Variants in MBD5 observed in about 807,000 individuals in gnomAD.
The protein encoded by MBD5 is methyl-CpG-binding domain protein 5.
Under a neutral mutation model 117.3 loss-of-function variants are expected in MBD5, and 13 were observed. The observed-to-expected ratio is 0.11, with a 90% CI of 0.07 to 0.18. MBD5 has a LOEUF of 0.18. Among genes scored for constraint, MBD5 ranks in the 10% least tolerant of loss-of-function variants. MBD5 has a pLI of 1.00. For missense variants in MBD5, 1,879 were observed against 2,093.8 expected (o/e 0.90, Z 2.00); for synonymous variants, 727 against 766.4 (o/e 0.95, Z 0.85).
chr2:148,132,349 TACAC>T (rs1553475582), intron 1 of MBD5, among the ~76,000 whole-genome samples: 7 of 53,306 alleles, frequency 1.3e-4, no homozygotes, highest in Non-Finnish European at 2.1e-4. Flanking sequence ...TATATATATA[TACAC>T]ATATATATAT....
chr2:148,344,444 A>G (rs568110889), intron 4 of MBD5, among the ~76,000 whole-genome samples: 6 of 152,180 alleles, frequency 3.9e-5, no homozygotes, highest in African/African-American at 1.4e-4. Flanking sequence ...CTTCCAATCC[A>G]TGAGCATGTA....
intron 8 of MBD5, among the ~76,000 whole-genome samples, chr2:148,481,559 C>G (rs978097314): frequency 1.3e-5 from 2 of 151,884 alleles, no homozygotes; most frequent in African/African-American, 4.8e-5. Context: ...AATGTGTATT[C>G]TTAAAATAAT....
At chr2:148,243,974 C>T (rs762487888) in intron 3 of MBD5, 1 of 151,068 alleles carries the variant, frequency 6.6e-6, no homozygotes, top group Non-Finnish European at 1.5e-5. Context: ...TTAAGGGAAC[C>T]TAGCATATTG....
chr2:148,163,683 G>A (rs1423510870), intron 1 of MBD5, among the ~76,000 whole-genome samples: 1 of 152,126 alleles, frequency 6.6e-6, no homozygotes, highest in African/African-American at 2.4e-5. Context: ...CCAAAGTGCT[G>A]GGATTTACAG....
intron 1 of MBD5, among the ~76,000 whole-genome samples, chr2:148,140,077 C>T (rs1243177826): frequency 6.6e-6 from 1 of 152,084 alleles, no homozygotes; most frequent in South Asian, 2.1e-4. Context: ...AGTGGAGAAA[C>T]CTGAGGCCCA....
At chr2:148,234,610 A>T (rs556485845) in intron 3 of MBD5, among the ~76,000 whole-genome samples, 8 of 152,276 alleles carry the variant, frequency 5.3e-5, no homozygotes, top group Non-Finnish European at 8.8e-5. Context: ...TGGAACCATG[A>T]AGTGGTTATA....
At chr2:148,132,990 A>G (rs1355950629) in intron 1 of MBD5, among the ~76,000 whole-genome samples, 4 of 152,168 alleles carry the variant, frequency 2.6e-5, no homozygotes, top group Non-Finnish European at 5.9e-5. Context: ...ATATATTGGT[A>G]TACTAAAATA....
At chr2:148,022,700 C>G (rs1335077944) in intron 1 of MBD5, among the ~76,000 whole-genome samples, 1 of 152,046 alleles carries the variant, frequency 6.6e-6, no homozygotes, top group African/African-American at 2.4e-5. Context: ...GGTTCTGAAC[C>G]AAATTGCCCA....
At chr2:148,487,769 T>C (rs1681386192) in intron 10 of MBD5, among the ~76,000 whole-genome samples, 1 of 152,154 alleles carries the variant, frequency 6.6e-6, no homozygotes, top group East Asian at 1.9e-4. Flanking sequence ...CTATATGAGA[T>C]GATAGGCTAA....
chr2:148,257,336 T>G (rs1700614905), intron 3 of MBD5, among the ~76,000 whole-genome samples: 1 of 152,242 alleles, frequency 6.6e-6, no homozygotes. Flanking sequence ...CCCTGCTTTG[T>G]TAATCAATGG....
intron 2 of MBD5, among the ~76,000 whole-genome samples, chr2:148,218,483 G>A (rs991561094): frequency 4.6e-5 from 7 of 152,214 alleles, no homozygotes; most frequent in African/African-American, 1.7e-4. Flanking sequence ...CTGTGGAGAT[G>A]TGGTAGTGAA....
At chr2:148,259,226 A>C (rs904110587) in intron 3 of MBD5, among the ~76,000 whole-genome samples, 1 of 152,154 alleles carries the variant, frequency 6.6e-6, no homozygotes, top group East Asian at 1.9e-4. Flanking sequence ...CCTTGTGCCA[A>C]CTGCCCGCTC....
chr2:148,055,835 G>A (rs1327203327), intron 1 of MBD5: 1 of 152,094 alleles, frequency 6.6e-6, no homozygotes, highest in Non-Finnish European at 1.5e-5. Context: ...TCACTATTGT[G>A]TTGCATTGGT....
chr2:148,208,375 T>A (rs1699335956), intron 2 of MBD5, among the ~76,000 whole-genome samples: 1 of 152,138 alleles, frequency 6.6e-6, no homozygotes, highest in African/African-American at 2.4e-5. Context: ...TGTCTCAGCC[T>A]CCCAAGTAGC....
intron 3 of MBD5, among the ~76,000 whole-genome samples, chr2:148,261,025 G>A (rs938320830): frequency 6.6e-6 from 1 of 152,162 alleles, no homozygotes; most frequent in African/African-American, 2.4e-5. Flanking sequence ...CTGAGCAGTA[G>A]GTCTCTCAAC....
chr2:148,294,573 G>T (rs1473825688), intron 3 of MBD5, among the ~76,000 whole-genome samples: 1 of 143,952 alleles, frequency 6.9e-6, no homozygotes, highest in African/African-American at 2.6e-5. Context: ...TGCGATCTCA[G>T]CTCACTGCAA....
intron 1 of MBD5, among the ~76,000 whole-genome samples, chr2:148,178,164 T>A (rs553676436): frequency 7.0e-4 from 107 of 152,326 alleles, no homozygotes; most frequent in African/African-American, 2.1e-3. Context: ...GCTTTTTTTT[T>A]ATGCTAAGTT....
At chr2:148,176,868 C>T (rs1231498666) in intron 1 of MBD5, among the ~76,000 whole-genome samples, 2 of 133,258 alleles carry the variant, frequency 1.5e-5, no homozygotes, top group Admixed American at 7.8e-5. Flanking sequence ...CCCCCACTAA[C>T]TTAAGGACAA....
Position 148,340,959 on chromosome 2 carries a change from T to C in MBD5, c.-679-1255T>C, listed in dbSNP as rs1702930602. ...CACCTCTATTAGTTAGATACTGTTA[T>C]TGTTGTCATTTACAGATAGGAAGCT... On this transcript the variant is annotated intron_variant, in intron 3 of 13. Transcript: ENST00000642680. Among the ~76,000 whole-genome samples the C allele has an allele frequency of 2.6e-5, 4 of 152,006 alleles. No homozygotes were observed. The South Asian group carries it at 8.3e-4, about 31-fold the overall frequency.
Sources: allele counts gnomAD v4.1 joint callset (sites outside exome capture counted in the v4.1 genomes callset), GRCh38; gene constraint gnomAD v4.1.1; transcripts MANE v1.5; gene names NCBI Gene and HGNC (gene_info 2026-07-23, HGNC 2026-07-21).